The following ARHGEF38 variants were observed in gnomAD, a reference collection of about 807,000 sequenced individuals.
ARHGEF38 encodes Rho guanine nucleotide exchange factor 38.
A neutral mutation model predicts 79.9 loss-of-function variants in ARHGEF38; 79 were observed. The ratio of observed to expected loss-of-function variants is 0.99; its 90% CI spans 0.82 to 1.19. The LOEUF (loss-of-function observed/expected upper bound fraction) is 1.19. ARHGEF38 is among the 50% of genes most tolerant of loss of function. The probability of loss-of-function intolerance (pLI) is 0.00; values close to 1 mark genes in which losing one functional copy is unlikely to be tolerated. For missense variants in ARHGEF38, 962 were observed against 907.2 expected (o/e 1.06, Z -0.78); for synonymous variants, 366 against 328.3 (o/e 1.11, Z -1.24).
At chr4:105,574,018 C>T (rs1450158095) in intron 1 of ARHGEF38, among the ~76,000 whole-genome samples, 1 of 151,952 alleles carries the variant, frequency 6.6e-6, no homozygotes, top group Admixed American at 6.6e-5. Context: ...TCAGATTGTT[C>T]ATTGCTACTG....
chr4:105,631,092 G>A (rs767295133), intron 4 of ARHGEF38, 47 bp downstream of exon 4: 1 of 1,567,886 alleles, frequency 6.4e-7, no homozygotes, highest in Non-Finnish European at 8.6e-7. Flanking sequence ...CAGTTGCCTA[G>A]CAGGGAACAT....
In ARHGEF38 at chr4:105,595,410, A is replaced by C. The variant is rs564534296; in HGVS notation, c.384+5975A>C. 1.1e-3 allele frequency among the ~76,000 whole-genome samples: 172 copies of C among 152,282 alleles called. 1 individual carries two copies. Among genetic ancestry groups the C allele is most frequent in the South Asian group, 4.4e-3 (21 of 4,822 alleles). On this transcript the variant is annotated intron_variant, in intron 2 of 13. Transcript: ENST00000420470. Reference sequence around the variant, plus strand: ...TTGTATTGACAGGAATTCAGTTGGAATTTTCTGTTAAAATTTTGATATACT... The same window carrying C: ...TTGTATTGACAGGAATTCAGTTGGACTTTTCTGTTAAAATTTTGATATACT...
chr4:105,666,362 T>C (rs1321405561), intron 11 of ARHGEF38, 42 bp downstream of exon 11: 16 of 1,472,618 alleles, frequency 1.1e-5, no homozygotes, highest in Middle Eastern at 1.8e-4. Context: ...CTTTCACCTC[T>C]TTGCCTTATC....
chr4:105,679,592 T>C lies in ARHGEF38; in HGVS notation c.*1655T>C. The C allele has an allele frequency of 2.2e-6, 2 of 915,850 alleles. No individual in the cohort carries two copies. The highest frequency in any genetic ancestry group is 1.3e-5 in the South Asian group (1 of 76,950). 56.7% of individuals were successfully genotyped at this position (915,850 alleles called of 1,614,324 possible). On this transcript the variant is annotated 3_prime_UTR_variant, in exon 14 of 14. Transcript: ENST00000420470. ...CTTTCTCTTCTATCAGTATCTGAGC[T>C]GATGGTTGGAAAAAAATCAACAGCA...
intron 3 of ARHGEF38, among the ~76,000 whole-genome samples, chr4:105,616,128 A>G (rs983590064): frequency 1.3e-5 from 2 of 152,214 alleles, no homozygotes; most frequent in African/African-American, 4.8e-5. Flanking sequence ...AAATCATGCT[A>G]CAGAGTGTCT....
intron 1 of ARHGEF38, among the ~76,000 whole-genome samples, chr4:105,578,557 G>A (rs573152389): frequency 3.2e-4 from 49 of 151,992 alleles, no homozygotes; most frequent in Non-Finnish European, 6.6e-4. Context: ...TGCTGTCTTA[G>A]GTCTAGTAGT....
chr4:105,579,527 TCA>T, intron 1 of ARHGEF38, among the ~76,000 whole-genome samples: 1 of 152,324 alleles, frequency 6.6e-6, no homozygotes, highest in South Asian at 2.1e-4. Flanking sequence ...ATGAGATGAA[TCA>T]CATTTACTGA....
rs1730739657 is a variant in ARHGEF38, at chr4:105,666,127, T to C, written c.1546-50T>C. The C allele has an allele frequency of 3.5e-6, 5 of 1,442,138 alleles. No homozygotes were observed. The Admixed American group carries it at 9.8e-5, about 28-fold the overall frequency. The allele number at this position is 1,442,138 out of a possible 1,614,324, so 89.3% of individuals were successfully genotyped here. A position where few individuals can be genotyped will look rare whatever the true frequency, so the allele number is the denominator to read the frequency against. The stretch of plus-strand genomic sequence containing the variant: ...ACAACTCAATACATTTAACACCTGA[T>C]ATGATTATCTAGGTGTCTGGAAACA... On this transcript the variant is annotated intron_variant, in intron 10 of 13. Transcript: ENST00000420470.
chr4:105,560,062 C>G (rs972216145), intron 1 of ARHGEF38, among the ~76,000 whole-genome samples: 1 of 152,112 alleles, frequency 6.6e-6, no homozygotes, highest in Non-Finnish European at 1.5e-5. Flanking sequence ...ATATGATTTA[C>G]TAAGAAGTCA....
At chr4:105,656,721 G>C (rs191412460) in intron 9 of ARHGEF38, among the ~76,000 whole-genome samples, 1 of 152,102 alleles carries the variant, frequency 6.6e-6, no homozygotes, top group South Asian at 2.1e-4. Flanking sequence ...TCTTCATGGA[G>C]TGGCCTTTTG....
intron 2 of ARHGEF38, among the ~76,000 whole-genome samples, chr4:105,597,585 T>C (rs1253738082): frequency 6.6e-6 from 1 of 152,210 alleles, no homozygotes; most frequent in African/African-American, 2.4e-5. Flanking sequence ...TTTCTTAAAG[T>C]TGGCTACTCT....
At position 105,654,067 on chromosome 4, in the gene ARHGEF38, T is replaced by A; in HGVS notation, c.1011T>A (p.Val337=). The stretch of plus-strand genomic sequence containing the variant: ...AAATAATTTCATATATATTTTAGGT[T>A]AAAGACAATACCTTTAACAGAGAAG... The part of the protein sequence containing the change: ...LKILTRGESQ[V]KDNTFNREEK... The change falls in exon 8 of 14, where the codon GTT becomes GTA. Residue 337 remains valine (V), a splice_region_variant and synonymous_variant. Transcript: ENST00000420470. The A allele has an allele frequency of 3.4e-6, 5 of 1,465,230 alleles. No homozygotes were observed. The highest frequency in any genetic ancestry group is 4.5e-6 in the Non-Finnish European group (5 of 1,099,376). The allele number at this position is 1,465,230 out of a possible 1,614,324, so 90.8% of individuals were successfully genotyped here.
At chr4:105,583,304 G>A (rs1331042154) in intron 1 of ARHGEF38, among the ~76,000 whole-genome samples, 9 of 152,128 alleles carry the variant, frequency 5.9e-5, no homozygotes, top group Admixed American at 3.3e-4. Context: ...TCACAAAAAT[G>A]TTTAAATGTT....
At chr4:105,655,846 A>G in intron 9 of ARHGEF38, 124 bp downstream of exon 9, 1 of 1,069,246 alleles carries the variant, frequency 9.4e-7, no homozygotes, top group East Asian at 2.8e-5. Context: ...TAATGTCAAA[A>G]TTAGTAGATT....
chr4:105,664,402 C>T (rs1730676198), intron 10 of ARHGEF38, among the ~76,000 whole-genome samples: 1 of 152,166 alleles, frequency 6.6e-6, no homozygotes, highest in African/African-American at 2.4e-5. Context: ...AAAAATAAGA[C>T]TCTTGTGTTG....
chr4:105,565,653 AT>A (rs769755125), intron 1 of ARHGEF38, among the ~76,000 whole-genome samples: 1 of 152,112 alleles, frequency 6.6e-6, no homozygotes, highest in Non-Finnish European at 1.5e-5. Context: ...TCTGAACTCA[AT>A]TTCTGGCTTT....
intron 4 of ARHGEF38, among the ~76,000 whole-genome samples, chr4:105,633,916 A>C (rs1729296061): frequency 1.3e-5 from 2 of 152,126 alleles, no homozygotes; most frequent in Admixed American, 1.3e-4. Context: ...AGTAGTAGAG[A>C]TATTACCTGG....
At position 105,659,270 on chromosome 4, in the gene ARHGEF38, G is replaced by A. The variant is rs762706521; in HGVS notation, c.1450G>A (p.Ala484Thr). 41 of 1,536,028 alleles carry A rather than the reference G, an allele frequency of 2.7e-5. No individual in the cohort carries two copies. The South Asian group carries it at 4.8e-4, about 18-fold the overall frequency. ...GGAGCTCCAGGCATTCAACCAGGCTGCTCGGAAGATTCTGTTGAACTGTCT... is the reference window on the plus strand; with the variant it reads ...GGAGCTCCAGGCATTCAACCAGGCTACTCGGAAGATTCTGTTGAACTGTCT... ...VEELQAFNQA[A>T]RKILLNCLCS... Residue 484 changes from alanine (A) to threonine (T), a missense_variant, in exon 10 of 14, where the codon GCT (alanine) becomes ACT (threonine). Coordinates refer to ENST00000420470, the MANE Select transcript of ARHGEF38 (RefSeq NM_001242729.2).
At chr4:105,571,177 T>C (rs1012303636) in intron 1 of ARHGEF38, among the ~76,000 whole-genome samples, 1 of 152,210 alleles carries the variant, frequency 6.6e-6, no homozygotes, top group Non-Finnish European at 1.5e-5. Context: ...ATACATTTTA[T>C]GTCATGTATA....
Sources: gnomAD v4.1 joint callset for allele counts (sites outside exome capture counted in the v4.1 genomes callset) on GRCh38, gnomAD v4.1.1 for gene constraint, MANE v1.5 for transcripts, NCBI Gene and HGNC (gene_info 2026-07-23, HGNC 2026-07-21) for gene names.